HIVEP3: variants seen among roughly 807,000 people sequenced by gnomAD.
The protein encoded by HIVEP3 is HIVEP zinc finger 3.
Under a neutral mutation model 152.8 loss-of-function variants are expected in HIVEP3, and 49 were observed. The observed-to-expected ratio is 0.32, with a 90% CI of 0.26 to 0.41. The LOEUF (loss-of-function observed/expected upper bound fraction) is 0.41. HIVEP3 is among the 10% of genes least tolerant of loss of function. HIVEP3 has a pLI of 1.00. For missense variants in HIVEP3, 2,790 were observed against 3,103.3 expected (o/e 0.90, Z 2.40); for synonymous variants, 1,269 against 1,289.0 (o/e 0.98, Z 0.33).
chr1:41,562,034 G>C (rs538793052), intron 5 of HIVEP3, among the ~76,000 whole-genome samples: 1 of 152,260 alleles, frequency 6.6e-6, no homozygotes, highest in East Asian at 1.9e-4. Flanking sequence ...GAACTATGAA[G>C]GAGGAAGGAA....
At chr1:41,518,380 G>A (rs376937107) in intron 7 of HIVEP3, 22 bp downstream of exon 7, 6 of 1,599,784 alleles carry the variant, frequency 3.8e-6, no homozygotes, top group African/African-American at 2.7e-5. Flanking sequence ...GAAAGGGGAC[G>A]GAGAAGGTTG....
intron 5 of HIVEP3, among the ~76,000 whole-genome samples, chr1:41,537,409 C>T (rs981133457): frequency 2.6e-5 from 4 of 152,208 alleles, no homozygotes; most frequent in Non-Finnish European, 4.4e-5. Flanking sequence ...GCAATGCACA[C>T]ACTGTTGCTC....
At chr1:41,793,407 T>C (rs1009078894) in intron 1 of HIVEP3, among the ~76,000 whole-genome samples, 4 of 152,208 alleles carry the variant, frequency 2.6e-5, no homozygotes, top group South Asian at 2.1e-4. Context: ...CAGCTTCCTA[T>C]GACTGGTGCC....
chr1:41,803,371 T>C (rs1650417396), intron 1 of HIVEP3, among the ~76,000 whole-genome samples: 2 of 152,168 alleles, frequency 1.3e-5, no homozygotes, highest in Admixed American at 1.3e-4. Flanking sequence ...GCCCAGCCAA[T>C]CATGCTTCCT....
rs532306911 is a variant in HIVEP3, at chr1:41,763,086, G to C, written c.-800-62091C>G. 1.6e-4 allele frequency among the ~76,000 whole-genome samples: 24 copies of C among 152,266 alleles called. No homozygotes were observed. In the South Asian group the frequency reaches 4.8e-3, roughly 30 times the overall value. ...GAGAGTTCACACATCAGAGTGTCAT[G>C]GTCACCTTGGGCAAGTCTCTTCTCT... On this transcript the variant is annotated intron_variant, in intron 1 of 8. Transcript: ENST00000372583.
intron 1 of HIVEP3, among the ~76,000 whole-genome samples, chr1:41,866,906 T>C (rs1643986859): frequency 1.3e-5 from 2 of 152,250 alleles, no homozygotes; most frequent in South Asian, 2.1e-4. Flanking sequence ...AAACCTTGAC[T>C]GTGTCTTAAG....
chr1:42,015,457 C>A (rs567164447), intron 1 of HIVEP3, among the ~76,000 whole-genome samples: 2 of 152,320 alleles, frequency 1.3e-5, no homozygotes, highest in South Asian at 2.1e-4. Flanking sequence ...ATGGTCACTG[C>A]CCTTCAGAAT....
At chr1:41,587,525 C>T (rs1644522663) in intron 3 of HIVEP3, among the ~76,000 whole-genome samples, 1 of 152,206 alleles carries the variant, frequency 6.6e-6, no homozygotes. Flanking sequence ...CAAACCAGGA[C>T]AAAATGGTTA....
Position 41,582,758 on chromosome 1 carries a change from G to C in HIVEP3, c.2040C>G (p.His680Gln), listed in dbSNP as rs1406574183. Residue 680 changes from histidine to glutamine, a missense_variant, in exon 4 of 9, where the codon CAC becomes CAG. By Grantham distance (24) the His-to-Gln change is conservative. Coordinates refer to ENST00000372583, the MANE Select transcript of HIVEP3 (RefSeq NM_024503.5). The surrounding 1 kb of genome is among the most constrained non-coding windows in gnomAD (Gnocchi z 4.7). ...QIAKPISAGT[H>Q]TSPEAEKSQI... ...GACTCTTTTCAGCTTCTGGAGATGTGTGGGTGCCTGCAGAGATGGGCTTTG... is the reference window on the plus strand; with the variant it reads ...GACTCTTTTCAGCTTCTGGAGATGTCTGGGTGCCTGCAGAGATGGGCTTTG... 1.9e-6 allele frequency: 3 copies of C among 1,614,102 alleles called. No homozygotes were observed. In the African/African-American group the frequency reaches 4.0e-5, roughly 22 times the overall value.
intron 1 of HIVEP3, among the ~76,000 whole-genome samples, chr1:41,807,955 T>A (rs1340188182): frequency 2.6e-5 from 4 of 152,150 alleles, no homozygotes; most frequent in East Asian, 1.9e-4. Context: ...CAGCAGCCCA[T>A]GCTGACTTTC....
rs141969337 is a variant in HIVEP3, at chr1:41,584,398, C to T, written c.400G>A (p.Val134Met). 1.0e-4 allele frequency: 163 copies of T among 1,613,726 alleles called. No individual in the cohort carries two copies. The highest frequency in any genetic ancestry group is 1.2e-4 in the Non-Finnish European group (145 of 1,179,870). Residue 134 changes from valine (V) to methionine (M), a missense_variant, in exon 4 of 9, where the codon GTG becomes ATG. Coordinates refer to ENST00000372583, the MANE Select transcript of HIVEP3 (RefSeq NM_024503.5). This position sits in a 1 kb window ranked among gnomAD's most constrained non-coding sequence, Gnocchi z 5.2. ...CTCTGAGGATGGAGCCCAGGGGCCA[C>T]GAAGGAGCCAGAGGGTCCAGGTCTC... ...PMRPGPSGSF[V>M]APGLHPQSQL...
At chr1:41,895,760 T>A (rs997607968) in intron 1 of HIVEP3, among the ~76,000 whole-genome samples, 1 of 151,846 alleles carries the variant, frequency 6.6e-6, no homozygotes, top group Admixed American at 6.6e-5. Flanking sequence ...GCTGGGAACA[T>A]CCCCCAGGAA....
intron 1 of HIVEP3, among the ~76,000 whole-genome samples, chr1:41,829,754 C>T (rs1445678891): frequency 6.6e-6 from 1 of 151,356 alleles, no homozygotes; most frequent in African/African-American, 2.4e-5. Context: ...TAATTTTAGA[C>T]TTGTTAGCCT....
chr1:41,991,191 C>CA (rs879791946), intron 1 of HIVEP3, among the ~76,000 whole-genome samples: 1 of 151,734 alleles, frequency 6.6e-6, no homozygotes, highest in Non-Finnish European at 1.5e-5. Flanking sequence ...AAAAACCCTT[C>CA]AAAAAATTAA....
chr1:41,923,115 A>G (rs980473517), upstream of HIVEP3, among the ~76,000 whole-genome samples: 21 of 152,236 alleles, frequency 1.4e-4, no homozygotes, highest in Admixed American at 7.9e-4. Flanking sequence ...AAGCCTACAA[A>G]GTGGATTGAT....
chr1:41,691,149 A>G (rs1372691094), intron 2 of HIVEP3, among the ~76,000 whole-genome samples: 8 of 152,260 alleles, frequency 5.3e-5, no homozygotes, highest in Non-Finnish European at 1.0e-4. Flanking sequence ...TCTGTGTGGC[A>G]CATAGCAAGC....
chr1:41,617,680 C>T (rs550334167), intron 3 of HIVEP3, among the ~76,000 whole-genome samples: 17 of 152,358 alleles, frequency 1.1e-4, no homozygotes, highest in African/African-American at 2.2e-4. Flanking sequence ...CCATGATGCA[C>T]GGGAGAGAAC....
At chr1:41,988,147 A>G (rs1272427635) in intron 1 of HIVEP3, among the ~76,000 whole-genome samples, 1 of 152,246 alleles carries the variant, frequency 6.6e-6, no homozygotes, top group East Asian at 1.9e-4. Context: ...AAGACAAAGG[A>G]GAAAAGCTTC....
chr1:41,641,193 C>T (rs1016401337), intron 2 of HIVEP3, among the ~76,000 whole-genome samples: 6 of 152,220 alleles, frequency 3.9e-5, no homozygotes, highest in Non-Finnish European at 7.3e-5. Flanking sequence ...CAGGTGGAGG[C>T]CTCGGGAGAT....
Sources: gnomAD v4.1 joint callset for allele counts (sites outside exome capture counted in the v4.1 genomes callset) on GRCh38, gnomAD v4.1.1 for gene constraint, Gnocchi (gnomAD v3.1) non-coding constraint, MANE v1.5 for transcripts, NCBI Gene and HGNC (gene_info 2026-07-23, HGNC 2026-07-21) for gene names.